CDYL2: variants seen among roughly 807,000 people sequenced by gnomAD.
CDYL2 encodes the protein chromodomain Y like 2.
In CDYL2, 23 loss-of-function variants were observed where a neutral mutation model predicts 49.4. The ratio of observed to expected loss-of-function variants is 0.47; its 90% CI spans 0.34 to 0.66. The LOEUF (loss-of-function observed/expected upper bound fraction) is 0.66. Ranked by LOEUF, CDYL2 falls within the 30% of genes least tolerant of loss-of-function variation. The pLI, the probability that CDYL2 is intolerant of heterozygous loss-of-function variation, is 0.01. For synonymous variants in CDYL2, 360 were observed against 268.8 expected (o/e 1.34, Z -3.32); for missense variants, 678 against 656.4 (o/e 1.03, Z -0.36).
rs1908014081 is a variant in CDYL2 at position 80,803,971 on chromosome 16, G to A, written c.24+179C>T. ...GCGCCGCGGGAGGCGGCGGGCGGCG[G>A]GCGGCGGGCGGGAGGCGCGCCCGGC... On this transcript the variant is annotated intron_variant, in intron 1 of 6. Transcript: ENST00000570137. Among the ~76,000 whole-genome samples the A allele has an allele frequency of 2.9e-5, 4 of 138,768 alleles. No homozygotes were observed. In the South Asian group the frequency reaches 9.1e-4, roughly 32 times the overall value. The allele number at this position is 138,768 out of a possible 152,430, so 91.0% of individuals were successfully genotyped here.
At chr16:80,801,864 C>T (rs1907936761) in intron 1 of CDYL2, among the ~76,000 whole-genome samples, 1 of 152,140 alleles carries the variant, frequency 6.6e-6, no homozygotes, top group Admixed American at 6.5e-5. Flanking sequence ...TTAAATTTCT[C>T]AGTATATGTT....
In CDYL2 at chr16:80,604,530, T is replaced by G. The variant is rs758550547; in HGVS notation, c.1379A>C (p.Lys460Thr). The G allele has an allele frequency of 1.9e-6, 3 of 1,614,162 alleles. No individual in the cohort carries two copies. Among genetic ancestry groups the G allele is most frequent in the South Asian group, 1.1e-5 (1 of 91,076 alleles). Reference sequence around the variant, plus strand: ...TTTCAGGAAGCTCCGCACGAGGCATTTGGACTCCTCTAACACCTAGAGGGA... The same window carrying G: ...TTTCAGGAAGCTCCGCACGAGGCATGTGGACTCCTCTAACACCTAGAGGGA... ...SCSAVVLEES[K>T]CLVRSFLKSV... Residue 460 changes from lysine (K) to threonine (T), a missense_variant, in exon 7 of 7, where the codon AAA (lysine) becomes ACA (threonine). Physicochemically the swap from Lys to Thr is moderately conservative, Grantham distance 78 (BLOSUM62 -1). Around this residue, in one of 3 missense-constraint regions of CDYL2, gnomAD observed 153 missense variants for 150.6 expected, o/e 1.02. Transcript: ENST00000570137.
intron 1 of CDYL2, among the ~76,000 whole-genome samples, chr16:80,717,988 C>T (rs1904867553): frequency 1.3e-5 from 2 of 152,178 alleles, no homozygotes; most frequent in South Asian, 4.1e-4. Flanking sequence ...CAGTGTGCAT[C>T]TGCTGTCTCA....
intron 2 of CDYL2, among the ~76,000 whole-genome samples, chr16:80,642,719 A>C (rs1908156253): frequency 6.6e-6 from 1 of 152,162 alleles, no homozygotes; most frequent in Admixed American, 6.5e-5. Flanking sequence ...AAGATGCAAA[A>C]GTGGAAACCC....
chr16:80,706,267 G>T (rs934972618), intron 1 of CDYL2, among the ~76,000 whole-genome samples: 1 of 152,196 alleles, frequency 6.6e-6, no homozygotes, highest in East Asian at 1.9e-4. Context: ...ACTTCAACAG[G>T]TTTGTGAAAA....
chr16:80,626,271 C>A (rs1238715900), intron 3 of CDYL2, among the ~76,000 whole-genome samples: 4 of 115,360 alleles, frequency 3.5e-5, no homozygotes, highest in South Asian at 5.2e-4. Flanking sequence ...AATGAAATCC[C>A]ATCTAAAAAA....
intron 1 of CDYL2, among the ~76,000 whole-genome samples, chr16:80,754,534 C>T (rs554452691): frequency 5.3e-5 from 8 of 152,200 alleles, no homozygotes; most frequent in Non-Finnish European, 8.8e-5. Flanking sequence ...TGTGGCCTCA[C>T]GTGGTCAAGA....
chr16:80,622,202 AG>A (rs1907113268), intron 3 of CDYL2, among the ~76,000 whole-genome samples: 1 of 152,210 alleles, frequency 6.6e-6, no homozygotes, highest in African/African-American at 2.4e-5. Flanking sequence ...GCACGCAGCC[AG>A]CCCAGGGGTG....
In CDYL2 at chr16:80,672,860, T is replaced by C. The variant is rs76894962; in HGVS notation, c.616+11678A>G. Among the ~76,000 whole-genome samples, 510 of 152,364 alleles carry C rather than the reference T, an allele frequency of 3.3e-3. 5 individuals are homozygous for C. Among genetic ancestry groups the C allele is most frequent in the African/African-American group, 0.012 (493 of 41,594 alleles). ...TAATAAATATCTGTTGTTGGTGCAA[T>C]TGCTGTTATTGTCATTATTAACAGC... On this transcript the variant is annotated intron_variant, in intron 2 of 6. Coordinates refer to ENST00000570137, the MANE Select transcript of CDYL2 (RefSeq NM_152342.4).
intron 1 of CDYL2, among the ~76,000 whole-genome samples, chr16:80,797,110 C>G (rs370255006): frequency 1.4e-3 from 214 of 152,302 alleles, no homozygotes; most frequent in African/African-American, 5.0e-3. Context: ...CATGTTTACA[C>G]ACTGTTTTTT....
intron 1 of CDYL2, among the ~76,000 whole-genome samples, chr16:80,720,705 G>A (rs374490042): frequency 1.6e-4 from 24 of 152,294 alleles, no homozygotes; most frequent in African/African-American, 5.8e-4. Flanking sequence ...ATGTATAAAT[G>A]AGTGTAGGCA....
At chr16:80,719,682 C>A (rs1411808182) in intron 1 of CDYL2, among the ~76,000 whole-genome samples, 2 of 152,176 alleles carry the variant, frequency 1.3e-5, no homozygotes, top group Non-Finnish European at 2.9e-5. Context: ...AATTCTGAAC[C>A]CCTATGTCTT....
intron 3 of CDYL2, among the ~76,000 whole-genome samples, chr16:80,631,560 C>G (rs898980836): frequency 6.6e-6 from 1 of 152,088 alleles, no homozygotes. Flanking sequence ...CAGACTTTAT[C>G]AAAATTTAAA....
At chr16:80,684,162 TGGGAG>T (rs1213987434) in intron 2 of CDYL2, among the ~76,000 whole-genome samples, 1 of 152,150 alleles carries the variant, frequency 6.6e-6, no homozygotes, top group African/African-American at 2.4e-5. Context: ...CACTGTGCCC[TGGGAG>T]GCACTGGCCC....
At chr16:80,657,757 T>C (rs1292381448) in intron 2 of CDYL2, among the ~76,000 whole-genome samples, 2 of 152,134 alleles carry the variant, frequency 1.3e-5, no homozygotes, top group Non-Finnish European at 2.9e-5. Flanking sequence ...GACAACACTG[T>C]TTATGCACTT....
chr16:80,712,021 A>G lies in CDYL2; in HGVS notation c.25-26892T>C, dbSNP rs560212495. Among the ~76,000 whole-genome samples, 5 of 150,952 alleles carry G rather than the reference A, an allele frequency of 3.3e-5. No homozygotes were observed. The East Asian group carries it at 9.7e-4, about 29-fold the overall frequency. On this transcript the variant is annotated intron_variant, in intron 1 of 6. Coordinates refer to ENST00000570137, the MANE Select transcript of CDYL2 (RefSeq NM_152342.4). The stretch of plus-strand genomic sequence containing the variant: ...TATATGTGTGTATATATGTGTGTAT[A>G]TATATGTGTGTATATATATGTGTGT...
intron 3 of CDYL2, chr16:80,627,991 G>T (rs897986863): frequency 1.3e-5 from 2 of 152,202 alleles, no homozygotes; most frequent in African/African-American, 2.4e-5. Context: ...TGTAAAAGAG[G>T]AATCAATCAG....
intron 2 of CDYL2, among the ~76,000 whole-genome samples, chr16:80,641,335 AAAAAC>A (rs551558486): frequency 5.3e-5 from 8 of 152,160 alleles, no homozygotes; most frequent in African/African-American, 1.7e-4. Context: ...GAGAAAAACA[AAAAAC>A]AAAACAAAAC....
chr16:80,684,306 C>T (rs1263305584), intron 2 of CDYL2, among the ~76,000 whole-genome samples: 1 of 152,172 alleles, frequency 6.6e-6, no homozygotes, highest in Non-Finnish European at 1.5e-5. Context: ...CCATTCCAGA[C>T]CTTGGCTGGA....
Sources: gnomAD v4.1 joint callset for allele counts (sites outside exome capture counted in the v4.1 genomes callset) on GRCh38, gnomAD v4.1.1 for gene constraint, gnomAD v4.1.1 regional missense constraint, MANE v1.5 for transcripts, NCBI Gene and HGNC (gene_info 2026-07-23, HGNC 2026-07-21) for gene names.